RPS6KC1: variants seen among roughly 807,000 people sequenced by gnomAD.
RPS6KC1 encodes inactive ribosomal protein S6 kinase delta-1.
Under a neutral mutation model 103.8 loss-of-function variants are expected in RPS6KC1, and 54 were observed. That is an observed-to-expected ratio of 0.52 (90% CI 0.42 to 0.65). RPS6KC1 has a LOEUF of 0.65. RPS6KC1 is among the 30% of genes least tolerant of loss of function. The pLI, the probability that RPS6KC1 is intolerant of heterozygous loss-of-function variation, is 0.00. For missense variants in RPS6KC1, 1,151 were observed against 1,253.8 expected (o/e 0.92, Z 1.24); for synonymous variants, 439 against 438.7 (o/e 1.00, Z -0.01).
chr1:213,390,521 A>G, the RPS6KC1 span, among the ~76,000 whole-genome samples: 4 of 152,216 alleles, frequency 2.6e-5, no homozygotes, highest in Non-Finnish European at 5.9e-5. Context: ...GATAGAAACA[A>G]TCATCGGACT....
At chr1:213,363,715 T>TC in the RPS6KC1 span, among the ~76,000 whole-genome samples, 16 of 117,950 alleles carry the variant, frequency 1.4e-4, 1 homozygote, top group African/African-American at 4.8e-4. Context: ...TCTTTCTTTC[T>TC]TTCTTTCTTT....
chr1:213,239,174 A>G (rs2094294732), intron 10 of RPS6KC1, among the ~76,000 whole-genome samples: 2 of 152,158 alleles, frequency 1.3e-5, no homozygotes, highest in South Asian at 4.1e-4. Flanking sequence ...CAAAATGGGG[A>G]AGATGATACA....
the RPS6KC1 span, among the ~76,000 whole-genome samples, chr1:213,728,937 G>GTTTGTTTTTTTTTTTTTTTTTTTT: frequency 1.1e-5 from 1 of 93,416 alleles, no homozygotes; most frequent in Non-Finnish European, 1.9e-5. Context: ...GAACATGAGG[G>GTTTGTTTTTTTTTTTTTTTTTTTT]TTTTTTTTTT....
the RPS6KC1 span, among the ~76,000 whole-genome samples, chr1:213,802,336 C>G: frequency 2.6e-5 from 4 of 152,128 alleles, no homozygotes; most frequent in Admixed American, 1.3e-4. Context: ...TCCAGTAAAC[C>G]TAGAAAAACA....
chr1:213,329,967 A>AAG, the RPS6KC1 span, among the ~76,000 whole-genome samples: 1 of 152,206 alleles, frequency 6.6e-6, no homozygotes, highest in Non-Finnish European at 1.5e-5. Context: ...AGAAGGGTTC[A>AAG]AGAGGGAGGT....
chr1:213,261,960 G>GT (rs1573685081), intron 13 of RPS6KC1, among the ~76,000 whole-genome samples: 1 of 152,156 alleles, frequency 6.6e-6, no homozygotes, highest in Non-Finnish European at 1.5e-5. Context: ...ATGTAAGGAT[G>GT]TATTAAAATT....
the RPS6KC1 span, among the ~76,000 whole-genome samples, chr1:213,502,769 G>T: frequency 6.6e-6 from 1 of 152,014 alleles, no homozygotes; most frequent in Non-Finnish European, 1.5e-5. Flanking sequence ...AATATTTAGT[G>T]GTTATCTTTG....
intron 10 of RPS6KC1, among the ~76,000 whole-genome samples, chr1:213,239,530 G>T (rs1426308195): frequency 6.6e-6 from 1 of 151,816 alleles, no homozygotes; most frequent in African/African-American, 2.4e-5. Flanking sequence ...GTAGGAAGAG[G>T]TATTTTTGAT....
At chr1:213,133,785 G>A (rs568889799) in intron 6 of RPS6KC1, among the ~76,000 whole-genome samples, 1 of 152,268 alleles carries the variant, frequency 6.6e-6, no homozygotes, top group East Asian at 1.9e-4. Flanking sequence ...ACACAAACTA[G>A]TGAAAGTTGA....
chr1:213,601,866 TTTC>T, the RPS6KC1 span, among the ~76,000 whole-genome samples: 2 of 151,828 alleles, frequency 1.3e-5, no homozygotes, highest in African/African-American at 4.8e-5. Context: ...TTTTCCTTCA[TTTC>T]TTTTCTTCCT....
chr1:213,107,010 G>A (rs1032983781), intron 4 of RPS6KC1, among the ~76,000 whole-genome samples: 15 of 151,672 alleles, frequency 9.9e-5, no homozygotes, highest in Middle Eastern at 3.2e-3. Context: ...GCACAATCTC[G>A]GCTAACCGCA....
At chr1:213,081,633 CTG>C (rs1422854327) in intron 3 of RPS6KC1, among the ~76,000 whole-genome samples, 2 of 151,448 alleles carry the variant, frequency 1.3e-5, no homozygotes, top group Non-Finnish European at 2.9e-5. Flanking sequence ...TTATAAAAGA[CTG>C]TGGCATCTCT....
At chr1:213,768,766 A>C in the RPS6KC1 span, among the ~76,000 whole-genome samples, 4 of 152,346 alleles carry the variant, frequency 2.6e-5, 1 homozygote, top group South Asian at 8.3e-4. Flanking sequence ...CTTTCAATGG[A>C]GTCAAAACAC....
Position 213,060,792 on chromosome 1 carries a change from A to G in RPS6KC1, c.105+9283A>G, listed in dbSNP as rs575026228. On this transcript the variant is annotated intron_variant, in intron 1 of 14. Transcript: ENST00000366960. The stretch of plus-strand genomic sequence containing the variant: ...GCAAACATATACTGAGTATCTAGAG[A>G]TAACTTGCAGTTTTAGCTTCTTTAC... Among the ~76,000 whole-genome samples, 143 of 152,356 alleles carry G rather than the reference A, an allele frequency of 9.4e-4. 1 individual carries two copies. Among genetic ancestry groups the G allele is most frequent in the Middle Eastern group, 6.8e-3 (2 of 294 alleles).
intron 8 of RPS6KC1, among the ~76,000 whole-genome samples, chr1:213,179,426 G>GAA (rs1352280422): frequency 4.1e-4 from 55 of 133,670 alleles, no homozygotes; most frequent in African/African-American, 1.3e-3. Flanking sequence ...AAAAAAAGAG[G>GAA]AAAAAAAAAA....
At chr1:213,845,451 A>G in the RPS6KC1 span, among the ~76,000 whole-genome samples, 2 of 152,176 alleles carry the variant, frequency 1.3e-5, no homozygotes, top group Non-Finnish European at 2.9e-5. Flanking sequence ...CACACTGACT[A>G]CAGTAGAGAA....
the RPS6KC1 span, among the ~76,000 whole-genome samples, chr1:213,858,103 T>G: frequency 6.6e-6 from 1 of 152,212 alleles, no homozygotes; most frequent in East Asian, 1.9e-4. Context: ...CCATGTGTAT[T>G]AAGCAAGATA....
chr1:213,588,612 A>G, the RPS6KC1 span, among the ~76,000 whole-genome samples: 16 of 152,094 alleles, frequency 1.1e-4, 1 homozygote, highest in Middle Eastern at 0.017. Flanking sequence ...GTCTCTTAAT[A>G]CTATTGCATT....
intron 12 of RPS6KC1, among the ~76,000 whole-genome samples, chr1:213,254,481 T>C (rs2094600102): frequency 6.6e-6 from 1 of 152,230 alleles, no homozygotes; most frequent in African/African-American, 2.4e-5. Flanking sequence ...CATCTTAGCA[T>C]AATCCACTTT....
Sources: allele counts gnomAD v4.1 joint callset (sites outside exome capture counted in the v4.1 genomes callset), GRCh38; gene constraint gnomAD v4.1.1; transcripts MANE v1.5; gene names NCBI Gene and HGNC (gene_info 2026-07-23, HGNC 2026-07-21).